GRIK4: variants seen among roughly 807,000 people sequenced by gnomAD.
GRIK4 encodes glutamate ionotropic receptor kainate type subunit 4.
GRIK4 carries 40 observed loss-of-function variants against 104.9 expected under a neutral mutation model. The observed-to-expected ratio is 0.38, with a 90% CI of 0.30 to 0.50. GRIK4 has a LOEUF of 0.50. GRIK4 is among the 20% of genes least tolerant of loss of function. The pLI is 0.93. For synonymous variants in GRIK4, 485 were observed against 524.9 expected, an observed-to-expected ratio of 0.92 and a Z score of 1.04; for missense variants, 1,047 against 1,308.1, an observed-to-expected ratio of 0.80 and a Z score of 3.08.
At chr11:120,700,345 G>C (rs1369869914) in intron 3 of GRIK4, among the ~76,000 whole-genome samples, 2 of 144,412 alleles carry the variant, frequency 1.4e-5, no homozygotes, top group Non-Finnish European at 3.0e-5. Context: ...TTGGCTCATT[G>C]CAACCTCCAC....
At chr11:120,946,098 A>AATGGAGGGG (rs1372081267) in intron 14 of GRIK4, among the ~76,000 whole-genome samples, 4 of 152,248 alleles carry the variant, frequency 2.6e-5, no homozygotes, top group African/African-American at 7.2e-5. Flanking sequence ...TTGAGCTCTC[A>AATGGAGGGG]AATATCTGTG....
At chr11:120,777,045 G>A (rs1440621068) in intron 3 of GRIK4, among the ~76,000 whole-genome samples, 1 of 152,146 alleles carries the variant, frequency 6.6e-6, no homozygotes, top group Non-Finnish European at 1.5e-5. Flanking sequence ...TGGCTATGAC[G>A]AAGGCCTGGC....
intron 3 of GRIK4, among the ~76,000 whole-genome samples, chr11:120,721,363 G>A (rs116215354): frequency 7.8e-4 from 119 of 152,308 alleles, no homozygotes; most frequent in African/African-American, 2.7e-3. Context: ...CAAAGGCAAT[G>A]TTTTAAAGTA....
At chr11:120,867,378 C>T (rs1464650805) in intron 9 of GRIK4, among the ~76,000 whole-genome samples, 9 of 152,150 alleles carry the variant, frequency 5.9e-5, no homozygotes, top group African/African-American at 2.2e-4. Flanking sequence ...GTTCTGTCCC[C>T]ACCATCAAGC....
intron 3 of GRIK4, among the ~76,000 whole-genome samples, chr11:120,724,104 A>G (rs4612814): frequency 0.16 from 24,891 of 152,152 alleles, 2,331 homozygotes; most frequent in Middle Eastern, 0.21. Flanking sequence ...AATGCATTTT[A>G]CAATCATCCA....
At chr11:120,671,735 A>G (rs995202793) in intron 3 of GRIK4, among the ~76,000 whole-genome samples, 6 of 151,964 alleles carry the variant, frequency 3.9e-5, no homozygotes, top group African/African-American at 1.5e-4. Flanking sequence ...GTTTAATTAG[A>G]TCCCATTTGT....
intron 1 of GRIK4, among the ~76,000 whole-genome samples, chr11:120,520,990 C>T (rs1947791382): frequency 6.6e-6 from 1 of 152,182 alleles, no homozygotes; most frequent in African/African-American, 2.4e-5. Flanking sequence ...ACGGGATATG[C>T]AGAAGACCCT....
chr11:120,810,374 C>G (rs1202135743), intron 4 of GRIK4, among the ~76,000 whole-genome samples: 1 of 152,184 alleles, frequency 6.6e-6, no homozygotes, highest in African/African-American at 2.4e-5. Flanking sequence ...GGGACAGAAG[C>G]TGGCCAGGAA....
chr11:120,660,751 G>A (rs1171714081), intron 3 of GRIK4, among the ~76,000 whole-genome samples: 1 of 152,202 alleles, frequency 6.6e-6, no homozygotes, highest in Non-Finnish European at 1.5e-5. Flanking sequence ...TGGGAGAAGA[G>A]GTCCCTTCTT....
chr11:120,935,854 C>T (rs1390713985), intron 13 of GRIK4, among the ~76,000 whole-genome samples: 3 of 152,170 alleles, frequency 2.0e-5, no homozygotes, highest in Non-Finnish European at 4.4e-5. Flanking sequence ...ACAGGGTTAT[C>T]TAAAGACACA....
intron 13 of GRIK4, among the ~76,000 whole-genome samples, chr11:120,907,328 T>A (rs1299293618): frequency 6.6e-6 from 1 of 152,132 alleles, no homozygotes; most frequent in Non-Finnish European, 1.5e-5. Context: ...CACAGCCATC[T>A]CCTTATTAGC....
At chr11:120,704,600 G>A (rs574649297) in intron 3 of GRIK4, among the ~76,000 whole-genome samples, 2 of 152,304 alleles carry the variant, frequency 1.3e-5, no homozygotes, top group East Asian at 3.9e-4. Context: ...TGTAAGCTCT[G>A]TGAGGATAGA....
chr11:120,828,130 C>T (rs1953316210), intron 6 of GRIK4, among the ~76,000 whole-genome samples: 1 of 152,146 alleles, frequency 6.6e-6, no homozygotes. Context: ...CTTTCTTCCC[C>T]CACAGTCTCT....
chr11:120,912,990 C>A (rs145007986), intron 13 of GRIK4, among the ~76,000 whole-genome samples: 1,725 of 152,324 alleles, frequency 0.011, 28 homozygotes, highest in African/African-American at 0.039. Context: ...TCTGTCTGGG[C>A]ATTGTCTTAA....
intron 11 of GRIK4, among the ~76,000 whole-genome samples, chr11:120,890,940 C>A (rs533873568): frequency 6.6e-6 from 1 of 152,232 alleles, no homozygotes; most frequent in African/African-American, 2.4e-5. Context: ...AAAGAACAAT[C>A]ATCTAAATGT....
At chr11:120,879,679 G>A (rs1954910902) in intron 11 of GRIK4, among the ~76,000 whole-genome samples, 1 of 152,336 alleles carries the variant, frequency 6.6e-6, no homozygotes, top group South Asian at 2.1e-4. Context: ...TGCCCTGTCA[G>A]TGACATTTCT....
chr11:120,908,390 T>C (rs1035018857), intron 13 of GRIK4, among the ~76,000 whole-genome samples: 1 of 152,106 alleles, frequency 6.6e-6, no homozygotes, highest in African/African-American at 2.4e-5. Context: ...AGTGTTCATC[T>C]GCAAAGGATT....
chr11:120,653,224 A>G (rs1462767037), intron 1 of GRIK4, among the ~76,000 whole-genome samples: 1 of 152,262 alleles, frequency 6.6e-6, no homozygotes, highest in African/African-American at 2.4e-5. Context: ...AAGTACAAGC[A>G]TGGAACCAGG....
At chr11:120,670,582 C>G (rs1199551864) in intron 3 of GRIK4, among the ~76,000 whole-genome samples, 1 of 152,272 alleles carries the variant, frequency 6.6e-6, no homozygotes. Flanking sequence ...GCCTGGAACA[C>G]TTTTCACCTG....
Sources: gnomAD v4.1 joint callset for allele counts (sites outside exome capture counted in the v4.1 genomes callset) on GRCh38, gnomAD v4.1.1 for gene constraint, MANE v1.5 for transcripts, NCBI Gene and HGNC (gene_info 2026-07-23, HGNC 2026-07-21) for gene names.